The following NKAIN2 variants were observed in gnomAD, a reference collection of about 807,000 sequenced individuals.
NKAIN2 encodes the protein sodium/potassium transporting ATPase interacting 2.
A neutral mutation model predicts 32.6 loss-of-function variants in NKAIN2; 14 were observed. That is an observed-to-expected ratio of 0.43 (90% confidence interval 0.28 to 0.67). The LOEUF is 0.67. NKAIN2 is among the 30% of genes least tolerant of loss of function. The pLI, the probability that NKAIN2 is intolerant of heterozygous loss-of-function variation, is 0.17. For missense variants in NKAIN2, 198 were observed against 258.3 expected, an observed-to-expected ratio of 0.77 and a Z score of 1.60; for synonymous variants, 80 against 87.2, an observed-to-expected ratio of 0.92 and a Z score of 0.46.
intron 4 of NKAIN2, among the ~76,000 whole-genome samples, chr6:124,692,861 A>G (rs1210118127): frequency 6.6e-6 from 1 of 152,150 alleles, no homozygotes; most frequent in Non-Finnish European, 1.5e-5. Flanking sequence ...CAGTTATGTG[A>G]TGCCAGCTCC....
At chr6:123,861,018 C>T (rs1775767586) in intron 1 of NKAIN2, among the ~76,000 whole-genome samples, 1 of 152,194 alleles carries the variant, frequency 6.6e-6, no homozygotes, top group Non-Finnish European at 1.5e-5. Context: ...CCTGTAGGAA[C>T]AGCAGAGGAT....
At chr6:124,167,991 A>G (rs1788650937) in intron 1 of NKAIN2, among the ~76,000 whole-genome samples, 1 of 152,180 alleles carries the variant, frequency 6.6e-6, no homozygotes, top group Non-Finnish European at 1.5e-5. Flanking sequence ...TTGAGAATCC[A>G]AAACCCATGT....
At chr6:124,447,817 C>T (rs1775956652) in intron 3 of NKAIN2, among the ~76,000 whole-genome samples, 1 of 152,096 alleles carries the variant, frequency 6.6e-6, no homozygotes, top group East Asian at 1.9e-4. Context: ...GCAACTGAAA[C>T]TCATTCTCTC....
At chr6:124,561,247 G>C (rs1430696586) in intron 3 of NKAIN2, among the ~76,000 whole-genome samples, 1 of 152,172 alleles carries the variant, frequency 6.6e-6, no homozygotes, top group Non-Finnish European at 1.5e-5. Context: ...AAAATAATCA[G>C]TTTTAACACA....
In NKAIN2 at chr6:124,499,235, T is replaced by C. The variant is rs367677088; in HGVS notation, c.273+143888T>C. ...TTCCAAACTCTTTTTGAATTTTTTA[T>C]TTTATATGTTTACAGTTAGACATAT... On this transcript the variant is annotated intron_variant, in intron 3 of 6. Transcript: ENST00000368417. Among the ~76,000 whole-genome samples the C allele has an allele frequency of 5.8e-4, 89 of 152,338 alleles. 1 individual carries two copies. Among genetic ancestry groups the C allele is most frequent in the African/African-American group, 2.1e-3 (88 of 41,590 alleles).
Position 124,823,298 on chromosome 6 carries a change from T to G in NKAIN2, c.*69T>G. The G allele has an allele frequency of 9.5e-7, 1 of 1,057,868 alleles. No individual in the cohort carries two copies. The highest frequency in any genetic ancestry group is 2.4e-5 in the East Asian group (1 of 42,420). 65.5% of individuals were successfully genotyped at this position (1,057,868 alleles called of 1,614,324 possible). A position where few individuals can be genotyped will look rare whatever the true frequency, so the allele number is the denominator to read the frequency against. ...CTTTTTTCGCAGTGGCCTCCTGCAT[T>G]TCATGAAGAGCAAGAAGCAACTGAG... is the stretch of plus-strand genomic sequence containing the variant. On this transcript the variant is annotated 3_prime_UTR_variant, in exon 7 of 7. Transcript: ENST00000368417.
rs1442100200 is a variant in NKAIN2 at position 124,068,774 on chromosome 6, CAACCACCGT to C, written c.55-214227_55-214219del. 2.1e-5 allele frequency among the ~76,000 whole-genome samples: 3 copies of C among 142,924 alleles called. No individual in the cohort carries two copies. The East Asian group carries it at 6.4e-4, about 31-fold the overall frequency. The allele number at this position is 142,924 out of a possible 152,430, so 93.8% of individuals were successfully genotyped here. A position where few individuals can be genotyped will look rare whatever the true frequency, so the allele number is the denominator to read the frequency against. On this transcript the variant is annotated intron_variant, in intron 1 of 6. Transcript: ENST00000368417. ...TTATAAAAACGGGGAAGGGAACCAG[CAACCACCGT>C]AACTACACCATATGTCTTTTGAAGA...
At position 124,032,444 on chromosome 6, in the gene NKAIN2, A is replaced by C. The variant is rs576558436; in HGVS notation, c.54+228190A>C. Among the ~76,000 whole-genome samples the C allele has an allele frequency of 3.3e-5, 5 of 152,130 alleles. No individual in the cohort carries two copies. The South Asian group carries it at 1.0e-3, about 32-fold the overall frequency. ...CAGAGTGCTGAACCCATCTTTTTAA[A>C]CATCTTTAAAAAAATAGTTATGTTG... On this transcript the variant is annotated intron_variant, in intron 1 of 6. Transcript: ENST00000368417.
At chr6:124,222,321 C>A (rs1791876229) in intron 1 of NKAIN2, among the ~76,000 whole-genome samples, 1 of 152,128 alleles carries the variant, frequency 6.6e-6, no homozygotes, top group South Asian at 2.1e-4. Flanking sequence ...TGTATTAAAT[C>A]ACTGGCTGAA....
intron 1 of NKAIN2, among the ~76,000 whole-genome samples, chr6:124,071,415 A>C (rs1237568201): frequency 6.6e-6 from 1 of 152,148 alleles, no homozygotes; most frequent in Non-Finnish European, 1.5e-5. Context: ...AGACTTTGGA[A>C]ATAATTTATT....
chr6:124,244,065 T>C (rs943368227), intron 1 of NKAIN2, among the ~76,000 whole-genome samples: 1 of 133,310 alleles, frequency 7.5e-6, no homozygotes, highest in Non-Finnish European at 1.5e-5. Context: ...GTAAAAGATA[T>C]CTTTTTTTTT....
At chr6:123,911,449 CA>C (rs1467191981) in intron 1 of NKAIN2, among the ~76,000 whole-genome samples, 1 of 151,926 alleles carries the variant, frequency 6.6e-6, no homozygotes, top group Non-Finnish European at 1.5e-5. Flanking sequence ...GGGGAGCTCT[CA>C]AGGACACTAA....
At chr6:124,651,450 C>T (rs1483611013) in intron 3 of NKAIN2, among the ~76,000 whole-genome samples, 1 of 152,186 alleles carries the variant, frequency 6.6e-6, no homozygotes, top group Non-Finnish European at 1.5e-5. Flanking sequence ...CAGGTTTCTG[C>T]CTGGGCCCCA....
At chr6:124,501,275 TC>T (rs1778280929) in intron 3 of NKAIN2, among the ~76,000 whole-genome samples, 1 of 152,138 alleles carries the variant, frequency 6.6e-6, no homozygotes, top group African/African-American at 2.4e-5. Flanking sequence ...TCTTGAATTT[TC>T]TCTGACAGTT....
chr6:124,343,484 C>A (rs1562501163), intron 2 of NKAIN2, among the ~76,000 whole-genome samples: 1 of 151,812 alleles, frequency 6.6e-6, no homozygotes. Context: ...ACATCCTCTC[C>A]AGCACCTGTT....
At chr6:124,641,474 T>G (rs906273996) in intron 3 of NKAIN2, among the ~76,000 whole-genome samples, 3 of 151,018 alleles carry the variant, frequency 2.0e-5, no homozygotes, top group East Asian at 1.9e-4. Flanking sequence ...ACATTATATC[T>G]TTAGTGAATC....
At chr6:124,084,251 A>G (rs1191891286) in intron 1 of NKAIN2, among the ~76,000 whole-genome samples, 2 of 152,000 alleles carry the variant, frequency 1.3e-5, no homozygotes, top group African/African-American at 4.8e-5. Flanking sequence ...CATCTACCAC[A>G]TAACGATTTT....
At chr6:124,690,615 C>A (rs888855142) in intron 4 of NKAIN2, among the ~76,000 whole-genome samples, 3 of 152,030 alleles carry the variant, frequency 2.0e-5, no homozygotes, top group Non-Finnish European at 4.4e-5. Flanking sequence ...TAGTTTAATG[C>A]CTCAGGATTT....
chr6:124,426,581 G>T (rs2114550382), intron 3 of NKAIN2, among the ~76,000 whole-genome samples: 1 of 152,282 alleles, frequency 6.6e-6, no homozygotes, highest in East Asian at 1.9e-4. Flanking sequence ...TAGTCATTAA[G>T]AAAGTGCAGT....
Sources: allele counts gnomAD v4.1 joint callset (sites outside exome capture counted in the v4.1 genomes callset), GRCh38; gene constraint gnomAD v4.1.1; transcripts MANE v1.5; gene names NCBI Gene and HGNC (gene_info 2026-07-23, HGNC 2026-07-21).